Variants in SDK1 observed in about 807,000 individuals in gnomAD.
The protein encoded by SDK1 is protein sidekick-1.
Under a neutral mutation model 245.5 loss-of-function variants are expected in SDK1, and 157 were observed. The ratio of observed to expected loss-of-function variants is 0.64; its 90% confidence interval spans 0.56 to 0.73. SDK1 has a LOEUF of 0.73. Ranked by LOEUF, SDK1 falls within the 30% of genes least tolerant of loss-of-function variation. The pLI is 0.00. For synonymous variants in SDK1, 1,647 were observed against 1,278.5 expected (o/e 1.29, Z -6.15); for missense variants, 3,583 against 3,002.3 (o/e 1.19, Z -4.52).
intron 1 of SDK1, among the ~76,000 whole-genome samples, chr7:3,484,742 A>G (rs1781625959): frequency 6.6e-6 from 1 of 152,102 alleles, no homozygotes; most frequent in Non-Finnish European, 1.5e-5. Flanking sequence ...GCTCCCACAT[A>G]GGAGTGAGAA....
intron 38 of SDK1, among the ~76,000 whole-genome samples, chr7:4,213,287 C>T (rs1235390949): frequency 2.6e-5 from 4 of 152,120 alleles, no homozygotes; most frequent in African/African-American, 9.7e-5. Context: ...GTGGCACGCA[C>T]CTGTAATCCC....
intron 5 of SDK1, among the ~76,000 whole-genome samples, chr7:3,882,019 C>T (rs952284053): frequency 6.6e-6 from 1 of 152,108 alleles, no homozygotes; most frequent in Non-Finnish European, 1.5e-5. Context: ...TTCCACATAG[C>T]TGGGGAGGCC....
intron 11 of SDK1, among the ~76,000 whole-genome samples, chr7:3,970,457 A>G (rs1177982254): frequency 2.0e-5 from 3 of 152,206 alleles, no homozygotes; most frequent in African/African-American, 7.2e-5. Flanking sequence ...CACTTCGTTC[A>G]TTCTGTATCC....
chr7:3,496,648 C>T (rs1220221059), intron 1 of SDK1, among the ~76,000 whole-genome samples: 1 of 152,174 alleles, frequency 6.6e-6, no homozygotes, highest in Non-Finnish European at 1.5e-5. Context: ...TTACACTTAA[C>T]AGAGTTCATA....
At chr7:3,752,470 AACTTG>A (rs1779800491) in intron 4 of SDK1, among the ~76,000 whole-genome samples, 2 of 152,330 alleles carry the variant, frequency 1.3e-5, no homozygotes, top group Middle Eastern at 6.8e-3. Flanking sequence ...GTCATGGGGA[AACTTG>A]ACTTGTTACT....
At chr7:3,409,339 AT>A (rs1779137576) in intron 1 of SDK1, among the ~76,000 whole-genome samples, 2 of 149,772 alleles carry the variant, frequency 1.3e-5, no homozygotes, top group African/African-American at 4.9e-5. Context: ...CATCTGAACA[AT>A]ACTCTTGGTT....
chr7:3,337,205 GAAATAA>G (rs1780224898), intron 1 of SDK1, among the ~76,000 whole-genome samples: 1 of 151,998 alleles, frequency 6.6e-6, no homozygotes, highest in African/African-American at 2.4e-5. Context: ...TCTCAGCCAA[GAAATAA>G]AAATAATTTA....
At chr7:3,559,146 C>T (rs542181096) in intron 1 of SDK1, among the ~76,000 whole-genome samples, 6 of 151,944 alleles carry the variant, frequency 3.9e-5, no homozygotes, top group South Asian at 2.1e-4. Flanking sequence ...GCTGAACTTA[C>T]GATATATAGA....
chr7:3,563,010 A>G (rs1779798340), intron 1 of SDK1, among the ~76,000 whole-genome samples: 1 of 152,196 alleles, frequency 6.6e-6, no homozygotes, highest in Non-Finnish European at 1.5e-5. Context: ...AATACATGCA[A>G]GTAACCCAGA....
chr7:3,347,412 A>G (rs114533536), intron 1 of SDK1, among the ~76,000 whole-genome samples: 1 of 152,138 alleles, frequency 6.6e-6, no homozygotes, highest in Non-Finnish European at 1.5e-5. Flanking sequence ...TGGTCTTACT[A>G]TGCCTTTCCC....
chr7:3,656,336 G>C (rs1001793319), intron 4 of SDK1, among the ~76,000 whole-genome samples: 6 of 152,136 alleles, frequency 3.9e-5, no homozygotes, highest in African/African-American at 1.4e-4. Flanking sequence ...TCAAATATAA[G>C]TGACTTTTAC....
chr7:3,470,399 G>C (rs1414756810), intron 1 of SDK1, among the ~76,000 whole-genome samples: 2 of 152,182 alleles, frequency 1.3e-5, no homozygotes, highest in Middle Eastern at 6.8e-3. Context: ...AACACCCTCA[G>C]TTTTAGTATA....
chr7:3,647,355 G>A (rs545244726), intron 4 of SDK1, among the ~76,000 whole-genome samples: 13 of 152,200 alleles, frequency 8.5e-5, no homozygotes, highest in Non-Finnish European at 1.5e-4. Flanking sequence ...TTAAAATCCA[G>A]ATTCCTTCCC....
intron 22 of SDK1, among the ~76,000 whole-genome samples, chr7:4,093,024 C>T (rs77843666): frequency 6.6e-6 from 1 of 152,046 alleles, no homozygotes; most frequent in African/African-American, 2.4e-5. Context: ...CTTAGAGTTA[C>T]CTTCAGTGAA....
At chr7:3,466,314 CA>C (rs1365993051) in intron 1 of SDK1, among the ~76,000 whole-genome samples, 3 of 151,542 alleles carry the variant, frequency 2.0e-5, no homozygotes, top group Admixed American at 1.3e-4. Flanking sequence ...TGAGATGTTC[CA>C]TCCTGAAGTC....
chr7:3,475,141 C>T (rs535106559), intron 1 of SDK1, among the ~76,000 whole-genome samples: 24 of 152,182 alleles, frequency 1.6e-4, no homozygotes, highest in African/African-American at 4.3e-4. Context: ...CCCCTTGTTC[C>T]ATTCTCTCCC....
chr7:4,224,395 T>C (rs1785304743), intron 40 of SDK1, among the ~76,000 whole-genome samples: 1 of 151,736 alleles, frequency 6.6e-6, no homozygotes, highest in African/African-American at 2.4e-5. Flanking sequence ...AGAGAGTGAG[T>C]GGGGAGGTGC....
intron 4 of SDK1, among the ~76,000 whole-genome samples, chr7:3,647,200 G>T (rs76999881): frequency 7.9e-5 from 12 of 152,234 alleles, no homozygotes; most frequent in Non-Finnish European, 1.8e-4. Flanking sequence ...GCAGTGAGCT[G>T]TGATCACGCT....
chr7:3,896,178 A>G (rs1370962611), intron 5 of SDK1, among the ~76,000 whole-genome samples: 1 of 152,214 alleles, frequency 6.6e-6, no homozygotes, highest in East Asian at 1.9e-4. Context: ...AAATGTTTAT[A>G]TATTTACTCA....
Sources: allele counts gnomAD v4.1 joint callset (sites outside exome capture counted in the v4.1 genomes callset), GRCh38; gene constraint gnomAD v4.1.1; transcripts MANE v1.5; gene names NCBI Gene and HGNC (gene_info 2026-07-23, HGNC 2026-07-21).